HIPK2: variants seen among roughly 807,000 people sequenced by gnomAD.
HIPK2 encodes the protein homeodomain interacting protein kinase 2, also known as homeodomain-interacting protein kinase 2.
In HIPK2, 27 loss-of-function variants were observed where a neutral mutation model predicts 113.7. The observed-to-expected ratio is 0.24, with a 90% CI of 0.17 to 0.33. The LOEUF (loss-of-function observed/expected upper bound fraction) is 0.33, where lower values mean the gene tolerates loss of function less well. Among genes scored for constraint, HIPK2 ranks in the 10% least tolerant of loss-of-function variants. The probability of loss-of-function intolerance (pLI) is 1.00; values close to 1 mark genes in which losing one functional copy is unlikely to be tolerated. For synonymous variants in HIPK2, 631 were observed against 642.2 expected, an observed-to-expected ratio of 0.98 and a Z score of 0.26; for missense variants, 1,257 against 1,588.0, an observed-to-expected ratio of 0.79 and a Z score of 3.54.
chr7:139,664,852 A>AT (rs1554440545), intron 2 of HIPK2, among the ~76,000 whole-genome samples: 3 of 152,052 alleles, frequency 2.0e-5, no homozygotes, highest in South Asian at 2.1e-4. Flanking sequence ...ACTGCTCCCT[A>AT]TTTTTTTACC....
chr7:139,707,041 ACCAGAGCCCCGCCTTTGGCCCTTC>A (rs1794920816), intron 2 of HIPK2, among the ~76,000 whole-genome samples: 1 of 152,170 alleles, frequency 6.6e-6, no homozygotes. Flanking sequence ...AACCCCTGCG[ACCAGAGCCCCGCCTTTGGCCCTTC>A]CCAGGCACAC....
chr7:139,609,100 C>T (rs2116749239), intron 9 of HIPK2, among the ~76,000 whole-genome samples: 1 of 152,278 alleles, frequency 6.6e-6, no homozygotes, highest in South Asian at 2.1e-4. Context: ...CAGATAAATT[C>T]AATACTGTCT....
chr7:139,755,537 T>G (rs1796348263), intron 1 of HIPK2, among the ~76,000 whole-genome samples: 1 of 152,270 alleles, frequency 6.6e-6, no homozygotes, highest in Non-Finnish European at 1.5e-5. Flanking sequence ...TCTCCTGAGC[T>G]GACGGGGAAA....
chr7:139,587,276 G>A (rs1451693264), intron 12 of HIPK2, among the ~76,000 whole-genome samples: 1 of 151,740 alleles, frequency 6.6e-6, no homozygotes, highest in Non-Finnish European at 1.5e-5. Flanking sequence ...GATCACCTGA[G>A]GTCACAAGTT....
intron 2 of HIPK2, among the ~76,000 whole-genome samples, chr7:139,650,524 T>G (rs893618352): frequency 1.3e-5 from 2 of 151,638 alleles, no homozygotes; most frequent in African/African-American, 2.4e-5. Flanking sequence ...AGGGACCGAC[T>G]GAGGGTTGTG....
At chr7:139,579,726 C>T (rs1165893749) in intron 13 of HIPK2, among the ~76,000 whole-genome samples, 9 of 151,756 alleles carry the variant, frequency 5.9e-5, no homozygotes, top group Admixed American at 5.9e-4. Context: ...CTCAGAGCCC[C>T]CTGCCCTAAG....
Position 139,670,968 on chromosome 7 carries a change from C to T in HIPK2, c.1104-39243G>A, listed in dbSNP as rs900146551. On this transcript the variant is annotated intron_variant, in intron 2 of 14. Transcript: ENST00000406875. ...TAGAGACAGGGTTTTGCCACGTTGT[C>T]CAGGCTGGTCTCCAACTCCTGGCCT... Among the ~76,000 whole-genome samples the T allele has an allele frequency of 2.6e-5, 4 of 152,048 alleles. No homozygotes were observed. The East Asian group carries it at 7.7e-4, about 29-fold the overall frequency.
chr7:139,752,645 A>C (rs2117114012), intron 1 of HIPK2, among the ~76,000 whole-genome samples: 1 of 152,030 alleles, frequency 6.6e-6, no homozygotes, highest in East Asian at 1.9e-4. Context: ...GATTCTCCAA[A>C]GTTAACTTCT....
At chr7:139,656,788 C>A (rs1371027376) in intron 2 of HIPK2, among the ~76,000 whole-genome samples, 1 of 152,200 alleles carries the variant, frequency 6.6e-6, no homozygotes, top group Admixed American at 6.5e-5. Flanking sequence ...CTCGACACTT[C>A]TGTGCATGTT....
At chr7:139,680,485 T>G (rs903151911) in intron 2 of HIPK2, among the ~76,000 whole-genome samples, 1 of 152,228 alleles carries the variant, frequency 6.6e-6, no homozygotes, top group Non-Finnish European at 1.5e-5. Context: ...TTTGAGGGGA[T>G]GCTGTTTTAT....
At chr7:139,748,515 G>T (rs1167488848) in intron 1 of HIPK2, among the ~76,000 whole-genome samples, 1 of 151,988 alleles carries the variant, frequency 6.6e-6, no homozygotes, top group Admixed American at 6.5e-5. Context: ...CTAGTTTCCG[G>T]TGGGCGCTGG....
At chr7:139,758,212 C>G (rs1316053455) in intron 1 of HIPK2, among the ~76,000 whole-genome samples, 1 of 152,026 alleles carries the variant, frequency 6.6e-6, no homozygotes, top group South Asian at 2.1e-4. Flanking sequence ...AGGGGAAGAG[C>G]AACGAGGGAG....
At chr7:139,617,079 A>C (rs1274319951) in intron 7 of HIPK2, among the ~76,000 whole-genome samples, 1 of 152,230 alleles carries the variant, frequency 6.6e-6, no homozygotes, top group Non-Finnish European at 1.5e-5. Flanking sequence ...GGACCAGTTG[A>C]AGAAGCCCAT....
At chr7:139,680,323 TG>T (rs1483343773) in intron 2 of HIPK2, among the ~76,000 whole-genome samples, 1 of 152,204 alleles carries the variant, frequency 6.6e-6, no homozygotes, top group Non-Finnish European at 1.5e-5. Context: ...GCGTGGCTGG[TG>T]CCCAAGCAGC....
At position 139,584,079 on chromosome 7, in the gene HIPK2, G is replaced by C. The variant is rs1569445101; in HGVS notation, c.2718-15C>G. The C allele has an allele frequency of 1.9e-6, 3 of 1,564,548 alleles. No individual in the cohort carries two copies. Among genetic ancestry groups the C allele is most frequent in the Non-Finnish European group, 2.6e-6 (3 of 1,152,786 alleles). On this transcript the variant is annotated splice_polypyrimidine_tract_variant and intron_variant, in intron 12 of 14. Coordinates refer to ENST00000406875, the MANE Select transcript of HIPK2 (RefSeq NM_022740.5). ...TGGAGACAGTGCTGAAAATGCAAAG[G>C]GAGAAGTCAGAGGTGGGAGAAGGCC...
intron 5 of HIPK2, among the ~76,000 whole-genome samples, chr7:139,628,512 G>A (rs956086863): frequency 2.0e-5 from 3 of 151,328 alleles, no homozygotes; most frequent in African/African-American, 4.9e-5. Flanking sequence ...GTGTGATCTC[G>A]GCTCACTGCC....
intron 6 of HIPK2, 116 bp downstream of exon 6, chr7:139,626,485 A>G: frequency 9.6e-7 from 1 of 1,037,060 alleles, no homozygotes; most frequent in Non-Finnish European, 1.4e-6. Context: ...TTTCAGCTAC[A>G]GTGACAGCTG....
At chr7:139,641,766 G>C (rs962360068) in intron 2 of HIPK2, among the ~76,000 whole-genome samples, 14 of 152,330 alleles carry the variant, frequency 9.2e-5, no homozygotes, top group Non-Finnish European at 7.3e-5. Flanking sequence ...TCAAGTCTGA[G>C]ACCAGAGTCA....
rs971601800 is a variant in HIPK2 at position 139,561,692 on chromosome 7, C to T, written c.*11235G>A. On this transcript the variant is annotated 3_prime_UTR_variant, in exon 15 of 15. Transcript: ENST00000406875. Reference sequence around the variant, plus strand: ...TAATAAGTCATTTCACCTCGGAGACCGAAAAAATGATCAAAAAGAAACTAT... The same window carrying T: ...TAATAAGTCATTTCACCTCGGAGACTGAAAAAATGATCAAAAAGAAACTAT... The T allele has an allele frequency of 1.3e-5, 2 of 151,648 alleles. No homozygotes were observed. Among genetic ancestry groups the T allele is most frequent in the East Asian group, 1.9e-4 (1 of 5,180 alleles). The allele number at this position is 151,648 out of a possible 1,614,324, so 9.4% of individuals were successfully genotyped here.
Sources: gnomAD v4.1 joint callset for allele counts (sites outside exome capture counted in the v4.1 genomes callset) on GRCh38, gnomAD v4.1.1 for gene constraint, MANE v1.5 for transcripts, NCBI Gene and HGNC (gene_info 2026-07-23, HGNC 2026-07-21) for gene names.